Variants in MACROD2 observed in about 807,000 individuals in gnomAD.
The protein encoded by MACROD2 is mono-ADP ribosylhydrolase 2, also known as ADP-ribose glycohydrolase MACROD2.
A neutral mutation model predicts 70.4 loss-of-function variants in MACROD2; 36 were observed. The ratio of observed to expected loss-of-function variants is 0.51; its 90% CI spans 0.39 to 0.68. The LOEUF is 0.68. Among genes scored for constraint, MACROD2 ranks in the 30% least tolerant of loss-of-function variants. The pLI, the probability that MACROD2 is intolerant of heterozygous loss-of-function variation, is 0.00. For missense variants in MACROD2, 496 were observed against 538.4 expected (o/e 0.92, Z 0.78); for synonymous variants, 172 against 178.8 (o/e 0.96, Z 0.30).
At chr20:15,014,591 C>T (rs1356758235) in intron 5 of MACROD2, among the ~76,000 whole-genome samples, 3 of 152,076 alleles carry the variant, frequency 2.0e-5, no homozygotes, top group African/African-American at 4.8e-5. Flanking sequence ...ATGACAGTGG[C>T]CTTGTATTAA....
intron 5 of MACROD2, among the ~76,000 whole-genome samples, chr20:14,865,393 C>CT (rs374670048): frequency 1.5e-4 from 22 of 149,550 alleles, no homozygotes; most frequent in African/African-American, 3.7e-4. Context: ...ACTTATTTGG[C>CT]TTTTTTTTTT....
Position 15,165,042 on chromosome 20 carries a change from C to T in MACROD2, c.419-64898C>T, listed in dbSNP as rs73612400. Among the ~76,000 whole-genome samples, 17 of 152,130 alleles carry T rather than the reference C, an allele frequency of 1.1e-4. No individual in the cohort carries two copies. The East Asian group carries it at 1.5e-3, about 14-fold the overall frequency. ...CACAATTCAACAAAAAAGTTGTTTC[C>T]TTAGAAATAGCAATGAAATATCTGC... is the stretch of plus-strand genomic sequence containing the variant. On this transcript the variant is annotated intron_variant, in intron 5 of 17. Coordinates refer to ENST00000684519, the MANE Select transcript of MACROD2 (RefSeq NM_001351661.2).
chr20:14,736,633 A>G (rs948928291), intron 5 of MACROD2, among the ~76,000 whole-genome samples: 23 of 152,302 alleles, frequency 1.5e-4, no homozygotes, highest in African/African-American at 5.3e-4. Flanking sequence ...CTCATTATGC[A>G]CAAGGTGCTA....
chr20:14,167,367 T>C (rs1278496297), intron 3 of MACROD2, among the ~76,000 whole-genome samples: 2 of 152,098 alleles, frequency 1.3e-5, no homozygotes, highest in Admixed American at 6.6e-5. Flanking sequence ...AGAGACTATA[T>C]ATAATATCTT....
chr20:15,706,876 G>A (rs2050540247), intron 8 of MACROD2, among the ~76,000 whole-genome samples: 1 of 152,150 alleles, frequency 6.6e-6, no homozygotes, highest in Non-Finnish European at 1.5e-5. Flanking sequence ...GACATCACAG[G>A]AAGATTTTCA....
At chr20:15,869,107 T>A (rs2147176188) in intron 9 of MACROD2, among the ~76,000 whole-genome samples, 1 of 151,110 alleles carries the variant, frequency 6.6e-6, no homozygotes, top group African/African-American at 2.4e-5. Flanking sequence ...CTCTTTAATT[T>A]TTTAACCATA....
chr20:14,446,048 C>A (rs1199068286), intron 3 of MACROD2, among the ~76,000 whole-genome samples: 1 of 152,026 alleles, frequency 6.6e-6, no homozygotes, highest in East Asian at 1.9e-4. Context: ...TACCTGAATG[C>A]TGGCAAGTTT....
intron 8 of MACROD2, among the ~76,000 whole-genome samples, chr20:15,707,673 T>C (rs2050556461): frequency 6.6e-6 from 1 of 151,890 alleles, no homozygotes; most frequent in Non-Finnish European, 1.5e-5. Context: ...GTCCGAGCTG[T>C]TTGGGAGGCT....
chr20:14,863,545 G>A (rs888723165), intron 5 of MACROD2, among the ~76,000 whole-genome samples: 1 of 152,102 alleles, frequency 6.6e-6, no homozygotes, highest in African/African-American at 2.4e-5. Flanking sequence ...AACAGGAAGT[G>A]AAAGTCTTTG....
chr20:14,750,698 G>C (rs1017411570), intron 5 of MACROD2, among the ~76,000 whole-genome samples: 3 of 121,970 alleles, frequency 2.5e-5, no homozygotes, highest in African/African-American at 9.1e-5. Context: ...GGGCTCAAGT[G>C]ATCTACCCAA....
In MACROD2 at chr20:14,314,426, T is replaced by C. The variant is rs543046401; in HGVS notation, c.272-179053T>C. Among the ~76,000 whole-genome samples, 35 of 152,316 alleles carry C rather than the reference T, an allele frequency of 2.3e-4. No individual in the cohort carries two copies. In the South Asian group the frequency reaches 7.2e-3, roughly 32 times the overall value. On this transcript the variant is annotated intron_variant, in intron 3 of 17. Coordinates refer to ENST00000684519, the MANE Select transcript of MACROD2 (RefSeq NM_001351661.2). ...CCATATTGAAGTGTCGGTTGTATTA[T>C]AAGATACCAAGAAAATGTTTTTTTA...
chr20:14,797,770 C>T (rs937767624), intron 5 of MACROD2, among the ~76,000 whole-genome samples: 4 of 152,028 alleles, frequency 2.6e-5, no homozygotes, highest in Non-Finnish European at 5.9e-5. Flanking sequence ...ACTACCAATT[C>T]CATGGGGACC....
At chr20:15,595,867 C>T (rs1478914442) in intron 8 of MACROD2, among the ~76,000 whole-genome samples, 1 of 152,200 alleles carries the variant, frequency 6.6e-6, no homozygotes, top group Non-Finnish European at 1.5e-5. Context: ...GAATGAAAAA[C>T]TTGAGCTATG....
intron 4 of MACROD2, chr20:14,566,861 C>T (rs1330670772): frequency 6.6e-6 from 1 of 151,744 alleles, no homozygotes; most frequent in Non-Finnish European, 1.5e-5. Context: ...CATAGGAATT[C>T]TAATAGTATA....
At chr20:14,360,009 A>G (rs2083206851) in intron 3 of MACROD2, among the ~76,000 whole-genome samples, 1 of 152,146 alleles carries the variant, frequency 6.6e-6, no homozygotes, top group Non-Finnish European at 1.5e-5. Context: ...ACACAAAAAG[A>G]CAAATACCAC....
At chr20:15,139,936 A>G (rs781534190) in intron 5 of MACROD2, among the ~76,000 whole-genome samples, 29 of 152,224 alleles carry the variant, frequency 1.9e-4, no homozygotes, top group Non-Finnish European at 2.6e-4. Context: ...GCAGTTCGCA[A>G]CTGAAAAAAG....
intron 5 of MACROD2, among the ~76,000 whole-genome samples, chr20:14,730,434 C>G (rs1402643218): frequency 6.6e-6 from 1 of 152,112 alleles, no homozygotes; most frequent in Admixed American, 6.5e-5. Flanking sequence ...ATTAGACTGG[C>G]AGGTCTCTCT....
intron 8 of MACROD2, among the ~76,000 whole-genome samples, chr20:15,562,574 A>T (rs114343139): frequency 5.6e-4 from 86 of 152,222 alleles, no homozygotes; most frequent in Non-Finnish European, 9.1e-4. Context: ...GTTGGAGTTC[A>T]TCACTTTACT....
At chr20:15,474,595 C>T (rs753540279) in intron 7 of MACROD2, among the ~76,000 whole-genome samples, 9 of 152,182 alleles carry the variant, frequency 5.9e-5, no homozygotes, top group African/African-American at 9.7e-5. Flanking sequence ...AATGAGCAAT[C>T]GGAAAACTGA....
Sources: allele counts gnomAD v4.1 joint callset (sites outside exome capture counted in the v4.1 genomes callset), GRCh38; gene constraint gnomAD v4.1.1; transcripts MANE v1.5; gene names NCBI Gene and HGNC (gene_info 2026-07-23, HGNC 2026-07-21).